Variants in TEX36 observed in about 807,000 individuals in gnomAD.
The protein encoded by TEX36 is testis expressed 36, also known as testis-expressed protein 36.
Under a neutral mutation model 13.6 loss-of-function variants are expected in TEX36, and 12 were observed. The ratio of observed to expected loss-of-function variants is 0.88; its 90% CI spans 0.56 to 1.43. The LOEUF is 1.43. TEX36 is among the 40% of genes most tolerant of loss of function. TEX36 has a pLI of 0.00. For synonymous variants in TEX36, 93 were observed against 83.0 expected, an observed-to-expected ratio of 1.12 and a Z score of -0.65; for missense variants, 224 against 228.3, an observed-to-expected ratio of 0.98 and a Z score of 0.12.
At chr10:125,678,483 G>A (rs532283953) in intron 1 of TEX36, among the ~76,000 whole-genome samples, 8 of 152,206 alleles carry the variant, frequency 5.3e-5, no homozygotes, top group Admixed American at 4.6e-4. Context: ...GGCAGTTCTT[G>A]GTGGGCCAAT....
At chr10:125,643,785 C>T (rs967756808) in intron 3 of TEX36, among the ~76,000 whole-genome samples, 13 of 151,814 alleles carry the variant, frequency 8.6e-5, no homozygotes, top group African/African-American at 2.4e-4. Context: ...GGCATGGTGG[C>T]ACACACCTGT....
chr10:125,615,079 C>G lies in TEX36; in HGVS notation c.265-38205G>C, dbSNP rs569376633. Among the ~76,000 whole-genome samples, 3 of 152,134 alleles carry G rather than the reference C, an allele frequency of 2.0e-5. No homozygotes were observed. The South Asian group carries it at 6.3e-4, about 32-fold the overall frequency. ...GGAGTTCACTCATGATTTGGCTCTC[C>G]GTTTGTCTGTTGTTGGTGTATAAGA... On this transcript the variant is annotated intron_variant, in intron 3 of 3. Coordinates refer to the TEX36 transcript ENST00000532135.
At chr10:125,589,936 G>A (rs991562006) in intron 3 of TEX36, among the ~76,000 whole-genome samples, 1 of 152,096 alleles carries the variant, frequency 6.6e-6, no homozygotes, top group East Asian at 1.9e-4. Context: ...TTGTTCTTGG[G>A]CAATCTTCAT....
chr10:125,599,542 G>A (rs1465540212), intron 3 of TEX36, among the ~76,000 whole-genome samples: 3 of 152,106 alleles, frequency 2.0e-5, no homozygotes, highest in Non-Finnish European at 4.4e-5. Flanking sequence ...CATGCATGCT[G>A]GAGGACCTGG....
rs1370371251 is a variant in TEX36 at position 125,581,865 on chromosome 10, T to C, written c.265-4991A>G. 3.3e-5 allele frequency among the ~76,000 whole-genome samples: 5 copies of C among 152,204 alleles called. No individual in the cohort carries two copies. The East Asian group carries it at 9.6e-4, about 29-fold the overall frequency. On this transcript the variant is annotated intron_variant, in intron 3 of 3. Transcript: ENST00000532135. ...AGGCCCAGATGCCATGAACTGGGCA[T>C]ATCCCTGTAGAGGGTAAGTAACTGT...
intron 1 of TEX36, among the ~76,000 whole-genome samples, chr10:125,673,081 G>A (rs1303764670): frequency 6.6e-6 from 1 of 152,128 alleles, no homozygotes; most frequent in Non-Finnish European, 1.5e-5. Context: ...TCTTTATCCA[G>A]CTGTCCATTC....
rs35078105 is a variant in TEX36, at chr10:125,586,635, C to CAAAAAAAAAAAAAAAAAAA, written c.265-9780_265-9762dup. Among the ~76,000 whole-genome samples the CAAAAAAAAAAAAAAAAAAA allele has an allele frequency of 1.8e-5, 2 of 113,876 alleles. 1 individual carries two copies. Among genetic ancestry groups the CAAAAAAAAAAAAAAAAAAA allele is most frequent in the Non-Finnish European group, 3.4e-5 (2 of 58,796 alleles). The allele number at this position is 113,876 out of a possible 152,430, so 74.7% of individuals were successfully genotyped here. On this transcript the variant is annotated intron_variant, in intron 3 of 3. Transcript: ENST00000532135. ...TGAAACTCCGTCTCTACTAAAAATC[C>CAAAAAAAAAAAAAAAAAAA]AAAAAAAAAAAAAAAAAAAAAATTA...
chr10:125,665,858 T>A (rs1237890791), intron 1 of TEX36, among the ~76,000 whole-genome samples: 1 of 152,206 alleles, frequency 6.6e-6, no homozygotes, highest in African/African-American at 2.4e-5. Flanking sequence ...CATTTGTTTG[T>A]GTCATCTTTA....
intron 3 of TEX36, among the ~76,000 whole-genome samples, chr10:125,597,658 A>G (rs962898432): frequency 7.2e-5 from 11 of 152,162 alleles, no homozygotes; most frequent in African/African-American, 1.2e-4. Flanking sequence ...TTTCCTAAAA[A>G]CTGAGGGTCA....
chr10:125,590,034 T>C (rs908345587), intron 3 of TEX36, among the ~76,000 whole-genome samples: 3 of 152,212 alleles, frequency 2.0e-5, no homozygotes, highest in African/African-American at 7.2e-5. Flanking sequence ...CTGCAAGGTG[T>C]CTGCAGGAAA....
At chr10:125,592,791 G>C (rs1030778943) in intron 3 of TEX36, among the ~76,000 whole-genome samples, 1 of 152,138 alleles carries the variant, frequency 6.6e-6, no homozygotes, top group South Asian at 2.1e-4. Flanking sequence ...CTTTGTTAGA[G>C]CAGCTCACAG....
chr10:125,636,386 A>G lies in TEX36; in HGVS notation c.265-14741T>C, dbSNP rs535622110. Among the ~76,000 whole-genome samples the G allele has an allele frequency of 3.6e-3, 517 of 144,908 alleles. 2 individuals are homozygous for G. Among genetic ancestry groups the G allele is most frequent in the Non-Finnish European group, 4.9e-3 (324 of 66,190 alleles). The stretch of plus-strand genomic sequence containing the variant: ...ACACCCGGCTAATTTTTTTTTTTTT[A>G]TATATTTTTAGTAGAGGCGGGGTTT... On this transcript the variant is annotated intron_variant, in intron 3 of 3. Coordinates refer to the TEX36 transcript ENST00000526819.
intron 3 of TEX36, among the ~76,000 whole-genome samples, chr10:125,628,270 C>A (rs1846510760): frequency 6.6e-6 from 1 of 152,216 alleles, no homozygotes; most frequent in Non-Finnish European, 1.5e-5. Flanking sequence ...TGCTAACAGG[C>A]TGCAAAGCAG....
intron 3 of TEX36, among the ~76,000 whole-genome samples, chr10:125,634,677 C>G (rs994291355): frequency 2.6e-5 from 4 of 152,174 alleles, no homozygotes; most frequent in Non-Finnish European, 5.9e-5. Context: ...TTGCTGCCTG[C>G]TAGAATGGAT....
chr10:125,610,658 ATT>A (rs546509009), intron 3 of TEX36, among the ~76,000 whole-genome samples: 1 of 152,024 alleles, frequency 6.6e-6, no homozygotes, highest in African/African-American at 2.4e-5. Context: ...TCATGTACAG[ATT>A]TTTTTTAAAT....
rs563114672 is a variant in TEX36, at chr10:125,603,459, C to A, written c.265-26585G>T. On this transcript the variant is annotated intron_variant, in intron 3 of 3. Coordinates refer to the TEX36 transcript ENST00000532135. ...CATTTCCCCCACTGGTCCTTGCCCCCGCCACCCAGTGCTTCTCTTCTCTAA... is the reference window on the plus strand; with the variant it reads ...CATTTCCCCCACTGGTCCTTGCCCCAGCCACCCAGTGCTTCTCTTCTCTAA... Among the ~76,000 whole-genome samples the A allele has an allele frequency of 2.6e-5, 4 of 152,238 alleles. No homozygotes were observed. In the East Asian group the frequency reaches 7.7e-4, roughly 29 times the overall value.
At chr10:125,635,445 C>T (rs1846611384) in intron 3 of TEX36, among the ~76,000 whole-genome samples, 1 of 152,196 alleles carries the variant, frequency 6.6e-6, no homozygotes, top group African/African-American at 2.4e-5. Flanking sequence ...CTGAGTTGGG[C>T]ACCAAAGCTC....
At chr10:125,619,127 C>G (rs963604186), downstream of TEX36, among the ~76,000 whole-genome samples, 5 of 150,918 alleles carry the variant, frequency 3.3e-5, no homozygotes, top group African/African-American at 1.2e-4. Flanking sequence ...GAGACTCCAT[C>G]TCAAAAAAAT....
chr10:125,586,000 T>C (rs1417862751), intron 3 of TEX36, among the ~76,000 whole-genome samples: 1 of 152,240 alleles, frequency 6.6e-6, no homozygotes, highest in Non-Finnish European at 1.5e-5. Flanking sequence ...CCTTTGGGTT[T>C]GCACAGAAGC....
Sources: allele counts gnomAD v4.1 joint callset (sites outside exome capture counted in the v4.1 genomes callset), GRCh38; gene constraint gnomAD v4.1.1; transcripts MANE v1.5; gene names NCBI Gene and HGNC (gene_info 2026-07-23, HGNC 2026-07-21).